Variants in KCNC2 observed in about 807,000 individuals in gnomAD.
The protein encoded by KCNC2 is potassium voltage-gated channel subfamily C member 2, also known as voltage-gated potassium channel KCNC2.
Under a neutral mutation model 44.5 loss-of-function variants are expected in KCNC2, and 21 were observed. The ratio of observed to expected loss-of-function variants is 0.47; its 90% CI spans 0.33 to 0.68. The LOEUF is 0.68. Ranked by LOEUF, KCNC2 falls within the 30% of genes least tolerant of loss-of-function variation. The probability of loss-of-function intolerance (pLI) is 0.01; values close to 1 mark genes in which losing one functional copy is unlikely to be tolerated. For synonymous variants in KCNC2, 391 were observed against 339.1 expected, an observed-to-expected ratio of 1.15 and a Z score of -1.68; for missense variants, 589 against 826.2, an observed-to-expected ratio of 0.71 and a Z score of 3.52.
rs201935998 is a variant in KCNC2 at position 75,209,606 on chromosome 12, A to G, written c.-419T>C. ...TGGCCGCAGGTCAGGAGAGCTCACC[A>G]CTTGAAGGTGAAGTCGCCCTGCTCG... On this transcript the variant is annotated 5_prime_UTR_variant, in exon 1 of 5. Coordinates refer to ENST00000549446, the MANE Select transcript of KCNC2 (RefSeq NM_139137.4). The G allele has an allele frequency of 2.0e-5, 3 of 152,232 alleles. No individual in the cohort carries two copies. The highest frequency in any genetic ancestry group is 6.5e-5 in the Admixed American group (1 of 15,278). 9.4% of individuals were successfully genotyped at this position (152,232 alleles called of 1,614,324 possible).
rs1156437820 is a variant in KCNC2 at position 75,043,475 on chromosome 12, AT to A, written c.1781-235del. ...TTATTGTTACAATACTTCAAAATAT[AT>A]TTTTTCCCAGATTATAGTTAGCATT... On this transcript the variant is annotated intron_variant, in intron 4 of 4. Coordinates refer to ENST00000549446, the MANE Select transcript of KCNC2 (RefSeq NM_139137.4). 2.3e-5 allele frequency: 30 copies of A among 1,293,924 alleles called. No homozygotes were observed. The East Asian group carries it at 5.9e-4, about 25-fold the overall frequency. The allele number at this position is 1,293,924 out of a possible 1,614,324, so 80.2% of individuals were successfully genotyped here.
At chr12:75,118,916 T>C (rs916862288) in intron 2 of KCNC2, among the ~76,000 whole-genome samples, 2 of 152,178 alleles carry the variant, frequency 1.3e-5, no homozygotes, top group African/African-American at 4.8e-5. Context: ...TTTCACGGTT[T>C]ATAGGCAGAG....
At chr12:75,102,005 A>G (rs1480063380) in intron 2 of KCNC2, among the ~76,000 whole-genome samples, 1 of 152,148 alleles carries the variant, frequency 6.6e-6, no homozygotes, top group Non-Finnish European at 1.5e-5. Flanking sequence ...ACTGCCTAAC[A>G]CAAGAAAGTC....
Position 75,055,043 on chromosome 12 carries a change from T to C in KCNC2, c.688-3726A>G, listed in dbSNP as rs1477951053. 2.0e-5 allele frequency among the ~76,000 whole-genome samples: 3 copies of C among 152,100 alleles called. No homozygotes were observed. In the East Asian group the frequency reaches 5.8e-4, roughly 29 times the overall value. ...TTGAATAACATTCAGCAAAAGAAAG[T>C]AAAAAGGAAAGAAATGGAGGGGAAG... On this transcript the variant is annotated intron_variant, in intron 2 of 4. Coordinates refer to ENST00000549446, the MANE Select transcript of KCNC2 (RefSeq NM_139137.4).
intron 2 of KCNC2, among the ~76,000 whole-genome samples, chr12:75,206,940 G>T (rs1009661432): frequency 6.6e-6 from 1 of 152,200 alleles, no homozygotes; most frequent in African/African-American, 2.4e-5. Flanking sequence ...TGAGCTAAAG[G>T]AAAAGTTAGA....
At chr12:75,048,017 T>C in intron 4 of KCNC2, 136 bp downstream of exon 4, 1 of 712,134 alleles carries the variant, frequency 1.4e-6, no homozygotes, top group Non-Finnish European at 2.4e-6. Context: ...GGAGAGAAGA[T>C]GTAATGAAGA....
intron 2 of KCNC2, among the ~76,000 whole-genome samples, chr12:75,196,815 C>T (rs1207510456): frequency 6.6e-6 from 1 of 152,010 alleles, no homozygotes; most frequent in African/African-American, 2.4e-5. Context: ...AACTATATAA[C>T]TTTATTTTTA....
rs367580019 is a variant in KCNC2, at chr12:75,207,549, C to G, written c.435G>C (p.Glu145Asp). Reference protein sequence around the residue: ...EEELAFWGIDETDVEPCCWMT... With the variant: ...EEELAFWGIDDTDVEPCCWMT... ...TCCAGCAGCAGGGCTCCACGTCGGT[C>G]TCGTCGATGCCCCAGAAGGCCAGCT... Residue 145 changes from glutamate (E) to aspartate (D), a missense_variant, in exon 2 of 5, where the codon GAG (glutamate) becomes GAC (aspartate). Coordinates refer to ENST00000549446, the MANE Select transcript of KCNC2 (RefSeq NM_139137.4). The surrounding 1 kb of genome is among the most constrained non-coding windows in gnomAD (Gnocchi z 4.1). The G allele has an allele frequency of 1.2e-6, 2 of 1,612,200 alleles. No homozygotes were observed. The highest frequency in any genetic ancestry group is 2.2e-5 in the South Asian group (2 of 91,000).
chr12:75,147,834 A>T (rs1890130649), intron 2 of KCNC2, among the ~76,000 whole-genome samples: 2 of 152,208 alleles, frequency 1.3e-5, no homozygotes, highest in Non-Finnish European at 2.9e-5. Flanking sequence ...TCTAAGGTAC[A>T]CAACAGTTAG....
intron 2 of KCNC2, among the ~76,000 whole-genome samples, chr12:75,165,507 A>T (rs895318735): frequency 6.6e-6 from 1 of 151,516 alleles, no homozygotes; most frequent in Non-Finnish European, 1.5e-5. Context: ...TTGTGTATAG[A>T]TTCTTACTGA....
chr12:75,075,446 A>AATATATATATATATAT (rs1883840680), intron 2 of KCNC2, among the ~76,000 whole-genome samples: 2 of 67,808 alleles, frequency 2.9e-5, no homozygotes, highest in African/African-American at 1.1e-4. Context: ...TCAGGAGAGA[A>AATATATATATATATAT]ATATATATAT....
intron 2 of KCNC2, among the ~76,000 whole-genome samples, chr12:75,151,093 T>A (rs1275484978): frequency 6.6e-6 from 1 of 151,960 alleles, no homozygotes; most frequent in African/African-American, 2.4e-5. Flanking sequence ...TTTTGATAAC[T>A]GGACGGGCTT....
intron 2 of KCNC2, among the ~76,000 whole-genome samples, chr12:75,194,378 C>A (rs2030573156): frequency 6.6e-6 from 1 of 152,120 alleles, no homozygotes; most frequent in Non-Finnish European, 1.5e-5. Flanking sequence ...CCAAGAATTG[C>A]AACCACCAGA....
chr12:75,178,336 A>G (rs1419616908), intron 2 of KCNC2, among the ~76,000 whole-genome samples: 1 of 152,050 alleles, frequency 6.6e-6, no homozygotes, highest in Non-Finnish European at 1.5e-5. Flanking sequence ...GTGGGTAAGA[A>G]TCAGACTGGA....
At chr12:75,059,428 G>A (rs1374936980) in intron 2 of KCNC2, among the ~76,000 whole-genome samples, 1 of 152,022 alleles carries the variant, frequency 6.6e-6, no homozygotes, top group Non-Finnish European at 1.5e-5. Context: ...ATGACATGTG[G>A]TCTCTCAACT....
intron 2 of KCNC2, among the ~76,000 whole-genome samples, chr12:75,100,027 A>G (rs1398581929): frequency 1.3e-5 from 2 of 152,178 alleles, no homozygotes; most frequent in East Asian, 1.9e-4. Flanking sequence ...CTAAGGAGGA[A>G]GAAATACAGT....
intron 2 of KCNC2, among the ~76,000 whole-genome samples, chr12:75,117,718 T>C (rs1887771916): frequency 6.6e-6 from 1 of 152,040 alleles, no homozygotes; most frequent in Admixed American, 6.6e-5. Flanking sequence ...TTTATTCTAA[T>C]AATATATAAT....
intron 2 of KCNC2, among the ~76,000 whole-genome samples, chr12:75,070,691 C>T (rs868502045): frequency 2.8e-4 from 42 of 151,654 alleles, no homozygotes; most frequent in Middle Eastern, 7.0e-3. Flanking sequence ...CATATAAATG[C>T]ATTATTAATA....
At chr12:75,093,794 T>C (rs1885694141) in intron 2 of KCNC2, among the ~76,000 whole-genome samples, 1 of 151,624 alleles carries the variant, frequency 6.6e-6, no homozygotes, top group Non-Finnish European at 1.5e-5. Context: ...GACTAAAATC[T>C]TTATTATTTT....
Sources: gnomAD v4.1 joint callset for allele counts (sites outside exome capture counted in the v4.1 genomes callset) on GRCh38, gnomAD v4.1.1 for gene constraint, Gnocchi (gnomAD v3.1) non-coding constraint, MANE v1.5 for transcripts, NCBI Gene and HGNC (gene_info 2026-07-23, HGNC 2026-07-21) for gene names.